Variants in SORBS2 observed in about 807,000 individuals in gnomAD.
SORBS2 encodes sorbin and SH3 domain containing 2, also known as sorbin and SH3 domain-containing protein 2.
A neutral mutation model predicts 97.7 loss-of-function variants in SORBS2; 46 were observed. The observed-to-expected ratio is 0.47, with a 90% CI of 0.37 to 0.60. The LOEUF is 0.60. SORBS2 is among the 20% of genes least tolerant of loss of function. The pLI, the probability that SORBS2 is intolerant of heterozygous loss-of-function variation, is 0.00. For synonymous variants in SORBS2, 476 were observed against 473.4 expected, an observed-to-expected ratio of 1.01 and a Z score of -0.07; for missense variants, 1,316 against 1,282.3, an observed-to-expected ratio of 1.03 and a Z score of -0.40.
At chr4:185,776,840 C>T (rs905516005) in intron 1 of SORBS2, among the ~76,000 whole-genome samples, 11 of 144,642 alleles carry the variant, frequency 7.6e-5, no homozygotes, top group African/African-American at 2.5e-4. Flanking sequence ...GTGGAGGTTG[C>T]GGTGAGCTGA....
chr4:185,664,021 AT>A (rs1445176053), intron 4 of SORBS2, among the ~76,000 whole-genome samples: 16 of 151,560 alleles, frequency 1.1e-4, no homozygotes, highest in Admixed American at 2.6e-4. Flanking sequence ...CGCCCGGCTA[AT>A]TTTTTGTATT....
At chr4:185,590,582 A>T (rs1380375804) in intron 13 of SORBS2, among the ~76,000 whole-genome samples, 1 of 152,226 alleles carries the variant, frequency 6.6e-6, no homozygotes, top group Admixed American at 6.5e-5. Flanking sequence ...CTCTCTTGAA[A>T]TAATTTTATA....
intron 1 of SORBS2, among the ~76,000 whole-genome samples, chr4:185,849,902 T>C (rs1056897283): frequency 1.3e-5 from 2 of 152,152 alleles, no homozygotes; most frequent in African/African-American, 4.8e-5. Context: ...AAGATAAGCA[T>C]ATGGTTGTTA....
chr4:185,929,833 C>T (rs139859098), intron 1 of SORBS2, among the ~76,000 whole-genome samples: 2,995 of 152,142 alleles, frequency 0.02, 34 homozygotes, highest in Middle Eastern at 0.078. Flanking sequence ...TGTGCCTGGC[C>T]GCAAAGAGAT....
chr4:185,743,800 C>T (rs1243268021), intron 2 of SORBS2, among the ~76,000 whole-genome samples: 2 of 151,036 alleles, frequency 1.3e-5, no homozygotes, highest in South Asian at 2.1e-4. Context: ...TCTTATTCCT[C>T]TTCCTCCTCC....
At chr4:185,791,753 A>G (rs1224738985) in intron 1 of SORBS2, among the ~76,000 whole-genome samples, 1 of 152,080 alleles carries the variant, frequency 6.6e-6, no homozygotes, top group Non-Finnish European at 1.5e-5. Flanking sequence ...ATGCCGTCAG[A>G]GTAACCATTT....
Position 185,877,288 on chromosome 4 carries a change from T to G in SORBS2, c.-338+78908A>C, listed in dbSNP as rs187258428. On this transcript the variant is annotated intron_variant, in intron 1 of 20. Transcript: ENST00000284776. ...ATTAAAGGCTGATCTTAAAAAACAT[T>G]AAAGGTTGTTTTTTTTAAAAGAGCC... Among the ~76,000 whole-genome samples, 310 of 151,300 alleles carry G rather than the reference T, an allele frequency of 2.0e-3. 1 individual carries two copies. The Middle Eastern group carries it at 0.024, about 12-fold the overall frequency.
intron 1 of SORBS2, among the ~76,000 whole-genome samples, chr4:185,916,024 C>T (rs2099257969): frequency 1.3e-5 from 2 of 152,090 alleles, no homozygotes; most frequent in African/African-American, 4.8e-5. Flanking sequence ...AGGAAGAAAG[C>T]AGAGAGGGAA....
chr4:185,951,691 A>G (rs1468443925), intron 1 of SORBS2, among the ~76,000 whole-genome samples: 1 of 152,218 alleles, frequency 6.6e-6, no homozygotes, highest in Non-Finnish European at 1.5e-5. Context: ...AGAGATGCTG[A>G]ACAAAGGTAA....
rs538663712 is a variant in SORBS2, at chr4:185,875,409, C to T, written c.-338+80787G>A. Among the ~76,000 whole-genome samples the T allele has an allele frequency of 1.7e-3, 254 of 152,164 alleles. 1 individual carries two copies. The highest frequency in any genetic ancestry group is 2.9e-3 in the Non-Finnish European group (196 of 67,974). On this transcript the variant is annotated intron_variant, in intron 1 of 20. Transcript: ENST00000284776. ...AACTAAAAAAATTAATTAAAAACAA[C>T]AAAAAATAAAACCAAAAACGTCTCC...
Position 185,624,377 on chromosome 4 carries a change from TC to T in SORBS2, c.751del (p.Asp251ThrfsTer42). ...CTTGAAACTAATGGCTCTTGGTGAG[TC>T]CCGAGGGACATCCAAGTGCTGTCTG... On this transcript the variant is annotated frameshift_variant, in exon 7 of 15. Transcript: ENST00000418609. LOFTEE classifies it high-confidence loss of function. The T allele has an allele frequency of 6.2e-7, 1 of 1,614,094 alleles. No homozygotes were observed. The highest frequency in any genetic ancestry group is 8.5e-7 in the Non-Finnish European group (1 of 1,180,016).
intron 1 of SORBS2, among the ~76,000 whole-genome samples, chr4:185,860,227 G>A (rs1353145349): frequency 1.3e-5 from 2 of 152,218 alleles, no homozygotes; most frequent in Non-Finnish European, 2.9e-5. Context: ...CTCAAAGACT[G>A]CACCAGCTAC....
At chr4:185,951,666 G>C (rs2099277281) in intron 1 of SORBS2, among the ~76,000 whole-genome samples, 1 of 152,208 alleles carries the variant, frequency 6.6e-6, no homozygotes, top group South Asian at 2.1e-4. Flanking sequence ...AGGATCCACT[G>C]ACCTAAGTTT....
At chr4:185,682,845 T>C (rs1027166524) in intron 2 of SORBS2, among the ~76,000 whole-genome samples, 1 of 151,616 alleles carries the variant, frequency 6.6e-6, no homozygotes, top group Non-Finnish European at 1.5e-5. Context: ...ACCAGGTCTC[T>C]ACTAAAAAAA....
chr4:185,626,686 A>G, intron 6 of SORBS2, 146 bp downstream of exon 18: 1 of 776,206 alleles, frequency 1.3e-6, no homozygotes, highest in Non-Finnish European at 2.1e-6. Context: ...GGGTGGGAAG[A>G]AGGCTATTGT....
intron 1 of SORBS2, among the ~76,000 whole-genome samples, chr4:185,828,945 A>G (rs1015718565): frequency 2.0e-4 from 30 of 152,152 alleles, no homozygotes; most frequent in African/African-American, 7.0e-4. Flanking sequence ...AGCTTTTACC[A>G]TTATTGGTCC....
Position 185,606,197 on chromosome 4 carries a change from G to A in SORBS2, c.2796+5583C>T. ...ACTTCCTCTTCTCTAAAGTGGGGAT[G>A]ATAATGTCACACACCTCACTGGGTT... On this transcript the variant is annotated intron_variant, in intron 12 of 14. Transcript: ENST00000418609. The surrounding 1 kb of genome is among the most constrained non-coding windows in gnomAD (Gnocchi z 4.3). 1 of 985,372 alleles carries A rather than the reference G, an allele frequency of 1.0e-6. No homozygotes were observed. Among genetic ancestry groups the A allele is most frequent in the Non-Finnish European group, 1.2e-6 (1 of 829,894 alleles). The allele number at this position is 985,372 out of a possible 1,614,324, so 61.0% of individuals were successfully genotyped here.
At chr4:185,869,444 T>C (rs1032795607) in intron 1 of SORBS2, among the ~76,000 whole-genome samples, 12 of 152,222 alleles carry the variant, frequency 7.9e-5, no homozygotes, top group Admixed American at 1.3e-4. Flanking sequence ...TCTCCTTCTG[T>C]CTTTATGCTG....
rs1472710665 is a variant in SORBS2 at position 185,906,204 on chromosome 4, C to T, written c.-338+49992G>A. On this transcript the variant is annotated intron_variant, in intron 1 of 20. Coordinates refer to the SORBS2 transcript ENST00000284776. ...ATGCACCACCATGCCTGGGTAATTTCGTATTTTTAGTAGAGACAGGGTTTC... is the reference window on the plus strand; with the variant it reads ...ATGCACCACCATGCCTGGGTAATTTTGTATTTTTAGTAGAGACAGGGTTTC... Among the ~76,000 whole-genome samples the T allele has an allele frequency of 3.3e-5, 5 of 152,210 alleles. No homozygotes were observed. The East Asian group carries it at 5.8e-4, about 18-fold the overall frequency.
Sources: gnomAD v4.1 joint callset for allele counts (sites outside exome capture counted in the v4.1 genomes callset) on GRCh38, gnomAD v4.1.1 for gene constraint, Gnocchi (gnomAD v3.1) non-coding constraint, MANE v1.5 for transcripts, NCBI Gene and HGNC (gene_info 2026-07-23, HGNC 2026-07-21) for gene names.